Variants in TCERG1L observed in about 807,000 individuals in gnomAD.
TCERG1L encodes the protein transcription elongation regulator 1-like protein.
A neutral mutation model predicts 56.3 loss-of-function variants in TCERG1L; 37 were observed. The observed-to-expected ratio is 0.66, with a 90% CI of 0.51 to 0.87. The LOEUF (loss-of-function observed/expected upper bound fraction) is 0.87, where lower values mean the gene tolerates loss of function less well. Among genes scored for constraint, TCERG1L ranks in the 40% least tolerant of loss-of-function variants. The pLI is 0.00. For missense variants in TCERG1L, 799 were observed against 774.2 expected (o/e 1.03, Z -0.38); for synonymous variants, 324 against 326.3 (o/e 0.99, Z 0.08).
intron 4 of TCERG1L, among the ~76,000 whole-genome samples, chr10:131,188,205 C>CCTGCCTGTTTCTGATACAATTAG: frequency 6.6e-6 from 1 of 152,210 alleles, no homozygotes; most frequent in Non-Finnish European, 1.5e-5. Flanking sequence ...TGTGAAGTTC[C>CCTGCCTGTTTCTGATACAATTAG]CTGCCTGTTT....
intron 3 of TCERG1L, among the ~76,000 whole-genome samples, chr10:131,266,026 T>G (rs1040528474): frequency 1.3e-5 from 2 of 152,276 alleles, no homozygotes; most frequent in African/African-American, 4.8e-5. Flanking sequence ...ACCCTGCTGC[T>G]GCTTTATCAA....
At chr10:131,095,555 C>G (rs1845237026) in intron 11 of TCERG1L, 2 of 152,076 alleles carry the variant, frequency 1.3e-5, no homozygotes, top group Admixed American at 6.5e-5. Context: ...CACTAGGATG[C>G]CTACAGAAAA....
At chr10:131,224,272 G>C (rs1401849803) in intron 4 of TCERG1L, among the ~76,000 whole-genome samples, 2 of 152,232 alleles carry the variant, frequency 1.3e-5, no homozygotes, top group Admixed American at 1.3e-4. Flanking sequence ...TCCAGCCGAA[G>C]TGTGCTGACC....
At chr10:131,178,629 G>A (rs2007117) in intron 4 of TCERG1L, among the ~76,000 whole-genome samples, 74,425 of 152,000 alleles carry the variant, frequency 0.49, 20,776 homozygotes, top group South Asian at 0.77. Flanking sequence ...TCCCAGACCT[G>A]AGGTCTCCCC....
intron 7 of TCERG1L, among the ~76,000 whole-genome samples, chr10:131,143,070 C>T (rs77020834): frequency 0.026 from 4,006 of 152,296 alleles, 99 homozygotes; most frequent in African/African-American, 0.028. Flanking sequence ...CACAGCCCTG[C>T]CGATGCCAGT....
intron 9 of TCERG1L, among the ~76,000 whole-genome samples, chr10:131,106,506 G>A (rs1845352805): frequency 6.6e-6 from 1 of 152,208 alleles, no homozygotes; most frequent in Non-Finnish European, 1.5e-5. Flanking sequence ...GGGAATGCAG[G>A]AATTGCAAGA....
intron 3 of TCERG1L, among the ~76,000 whole-genome samples, chr10:131,290,885 A>G (rs1262724306): frequency 6.6e-6 from 1 of 152,242 alleles, no homozygotes; most frequent in African/African-American, 2.4e-5. Flanking sequence ...TGGAGCTAGA[A>G]TCACTGAATG....
chr10:131,295,887 T>C (rs1264192061), intron 3 of TCERG1L, among the ~76,000 whole-genome samples: 1 of 152,242 alleles, frequency 6.6e-6, no homozygotes, highest in Non-Finnish European at 1.5e-5. Context: ...CTATTTCCTG[T>C]GCTTATTGGC....
intron 4 of TCERG1L, among the ~76,000 whole-genome samples, chr10:131,252,413 C>T (rs1257225005): frequency 6.6e-6 from 1 of 152,182 alleles, no homozygotes; most frequent in Non-Finnish European, 1.5e-5. Flanking sequence ...AGCAAAATGT[C>T]AGCTTTCTCC....
At chr10:131,120,953 T>G (rs1337410203) in intron 8 of TCERG1L, among the ~76,000 whole-genome samples, 2 of 152,200 alleles carry the variant, frequency 1.3e-5, no homozygotes, top group African/African-American at 4.8e-5. Flanking sequence ...TACAGTCCAG[T>G]GGGACATGTA....
intron 6 of TCERG1L, chr10:131,161,723 C>A (rs1845979290): frequency 6.6e-6 from 1 of 152,242 alleles, no homozygotes; most frequent in Admixed American, 6.5e-5. Flanking sequence ...GCTGCCCAAC[C>A]CTCTGAGTCC....
rs1171559618 is a variant in TCERG1L at position 131,256,289 on chromosome 10, G to A, written c.856+3970C>T. Reference sequence around the variant, plus strand: ...CCGACAGCAACATGAAAGGCTGCGTGGTAGAATTCTGGCTTGGAGACTTTC... The same window carrying A: ...CCGACAGCAACATGAAAGGCTGCGTAGTAGAATTCTGGCTTGGAGACTTTC... On this transcript the variant is annotated intron_variant, in intron 4 of 11. Coordinates refer to ENST00000368642, the MANE Select transcript of TCERG1L (RefSeq NM_174937.4). 2.0e-5 allele frequency among the ~76,000 whole-genome samples: 3 copies of A among 152,294 alleles called. No homozygotes were observed. In the South Asian group the frequency reaches 6.2e-4, roughly 32 times the overall value.
chr10:131,114,287 A>C (rs1403624257), intron 9 of TCERG1L, among the ~76,000 whole-genome samples: 1 of 142,686 alleles, frequency 7.0e-6, no homozygotes, highest in African/African-American at 2.5e-5. Flanking sequence ...TTATGGGTTT[A>C]GCTATCAAAT....
intron 7 of TCERG1L, among the ~76,000 whole-genome samples, chr10:131,135,920 A>C (rs1564798799): frequency 1.3e-5 from 2 of 152,204 alleles, no homozygotes. Flanking sequence ...GCCCGGGCGG[A>C]GCTTCCTGGC....
At chr10:131,223,840 G>C (rs1164463018) in intron 4 of TCERG1L, among the ~76,000 whole-genome samples, 1 of 151,364 alleles carries the variant, frequency 6.6e-6, no homozygotes, top group African/African-American at 2.4e-5. Context: ...CCCTCCCCTG[G>C]CCCTCCCCCT....
At chr10:131,308,089 G>C in intron 3 of TCERG1L, 122 bp downstream of exon 3, 2 of 1,081,252 alleles carry the variant, frequency 1.8e-6, no homozygotes, top group Non-Finnish European at 2.6e-6. Context: ...TTGTGAAAAG[G>C]AATTATATTT....
intron 4 of TCERG1L, among the ~76,000 whole-genome samples, chr10:131,189,929 G>C (rs1740990654): frequency 6.6e-6 from 1 of 152,080 alleles, no homozygotes; most frequent in Non-Finnish European, 1.5e-5. Flanking sequence ...ACAAAGATCA[G>C]AGCAGAACTA....
At chr10:131,285,986 C>T (rs1034273818) in intron 3 of TCERG1L, among the ~76,000 whole-genome samples, 1 of 152,202 alleles carries the variant, frequency 6.6e-6, no homozygotes, top group Non-Finnish European at 1.5e-5. Flanking sequence ...GGGTACCAGC[C>T]ATCACTACCA....
At chr10:131,308,468 G>A in intron 2 of TCERG1L, 77 bp from the exon 3 acceptor site, 1 of 1,273,308 alleles carries the variant, frequency 7.9e-7, no homozygotes, top group Non-Finnish European at 1.1e-6. Flanking sequence ...GAAAATATTT[G>A]TGTTGCCTTA....
Sources: allele counts gnomAD v4.1 joint callset (sites outside exome capture counted in the v4.1 genomes callset), GRCh38; gene constraint gnomAD v4.1.1; transcripts MANE v1.5; gene names NCBI Gene and HGNC (gene_info 2026-07-23, HGNC 2026-07-21).